Variants in SNIP1 observed in about 807,000 individuals in gnomAD.
The protein encoded by SNIP1 is Smad nuclear interacting protein 1, also known as smad nuclear-interacting protein 1.
In SNIP1, 23 loss-of-function variants were observed where a neutral mutation model predicts 37.4. The observed-to-expected ratio is 0.61, with a 90% CI of 0.44 to 0.87. The LOEUF is 0.87. Ranked by LOEUF, SNIP1 falls within the 40% of genes least tolerant of loss-of-function variation. The probability of loss-of-function intolerance (pLI) is 0.00; values close to 1 mark genes in which losing one functional copy is unlikely to be tolerated. For synonymous variants in SNIP1, 174 were observed against 200.0 expected (o/e 0.87, Z 1.10); for missense variants, 459 against 540.4 (o/e 0.85, Z 1.49).
chr1:37,551,074 GAC>G (rs55724495), intron 2 of SNIP1, among the ~76,000 whole-genome samples: 4,859 of 143,900 alleles, frequency 0.034, 251 homozygotes, highest in African/African-American at 0.11. Flanking sequence ...CAGCCTGGGT[GAC>G]ACACACACAC....
chr1:37,542,112 A>G (rs1643181783), intron 2 of SNIP1, among the ~76,000 whole-genome samples: 1 of 152,148 alleles, frequency 6.6e-6, no homozygotes. Context: ...AATCACTACT[A>G]TTGCATTTTG....
In SNIP1 at chr1:37,554,096, C is replaced by T; in HGVS notation, c.134G>A (p.Arg45His). The T allele has an allele frequency of 1.2e-6, 2 of 1,610,442 alleles. No homozygotes were observed. The highest frequency in any genetic ancestry group is 1.1e-5 in the South Asian group (1 of 90,494). The part of the protein sequence containing the change: ...SPEVAPPAHR[R>H]PDHSGGSPSP... ...CGGGCTACCACCGGAGTGGTCCGGA[C>T]GGCGGTGGGCGGGAGGTGCGACTTC... is the stretch of plus-strand genomic sequence containing the variant. The change falls in exon 1 of 4, where the codon CGT becomes CAT. Residue 45 changes from arginine to histidine, a missense_variant. Coordinates refer to ENST00000296215, the MANE Select transcript of SNIP1 (RefSeq NM_024700.4).
chr1:37,550,093 CCCTGAAAA>C (rs1643284334), intron 2 of SNIP1, among the ~76,000 whole-genome samples: 1 of 151,754 alleles, frequency 6.6e-6, no homozygotes, highest in African/African-American at 2.4e-5. Context: ...AACCCTGAAA[CCCTGAAAA>C]GAAACTGAAA....
chr1:37,545,409 C>A (rs1169110705), intron 2 of SNIP1: 10 of 433,128 alleles, frequency 2.3e-5, no homozygotes, highest in Non-Finnish European at 4.5e-5. Flanking sequence ...ACCAAAACAT[C>A]CACTTAAGCT....
At position 37,535,401 on chromosome 1, in the gene SNIP1, AAACC is replaced by A. The variant is rs1643079070; in HGVS notation, c.*2343_*2346del. 1.3e-5 allele frequency: 2 copies of A among 151,284 alleles called. No homozygotes were observed. Among genetic ancestry groups the A allele is most frequent in the African/African-American group, 4.9e-5 (2 of 41,052 alleles). 9.4% of individuals were successfully genotyped at this position (151,284 alleles called of 1,614,324 possible). A position where few individuals can be genotyped will look rare whatever the true frequency, so the allele number is the denominator to read the frequency against. On this transcript the variant is annotated 3_prime_UTR_variant, in exon 4 of 4. Transcript: ENST00000296215. The stretch of plus-strand genomic sequence containing the variant: ...AGTGAGACGCCATCTCAAAACAAAC[AAACC>A]AACAAAAAAACCCACCTTCTCAGAT...
In SNIP1 at chr1:37,551,616, G is replaced by C. The variant is rs115196285; in HGVS notation, c.327+1029C>G. On this transcript the variant is annotated intron_variant, in intron 2 of 3. Coordinates refer to ENST00000296215, the MANE Select transcript of SNIP1 (RefSeq NM_024700.4). Reference sequence around the variant, plus strand: ...CAACAGGACAGAAGAAAGATCATTTGAGGATATAGCAAAGAGGTAGCCATC... The same window carrying C: ...CAACAGGACAGAAGAAAGATCATTTCAGGATATAGCAAAGAGGTAGCCATC... 4.6e-3 allele frequency among the ~76,000 whole-genome samples: 707 copies of C among 152,330 alleles called. 2 individuals carry two copies. Among genetic ancestry groups the C allele is most frequent in the South Asian group, 0.019 (92 of 4,822 alleles).
At chr1:37,549,980 C>T (rs1005743094) in intron 2 of SNIP1, among the ~76,000 whole-genome samples, 1 of 151,994 alleles carries the variant, frequency 6.6e-6, no homozygotes, top group African/African-American at 2.4e-5. Flanking sequence ...AAAAGTAATT[C>T]ATTGGAGGAA....
intron 1 of SNIP1, among the ~76,000 whole-genome samples, chr1:37,553,692 G>A (rs888117917): frequency 6.6e-6 from 1 of 152,144 alleles, no homozygotes; most frequent in African/African-American, 2.4e-5. Context: ...ATTTGTGGGA[G>A]GGATGGGGAA....
rs759880647 is a variant in SNIP1 at position 37,552,679 on chromosome 1, C to G, written c.293G>C (p.Arg98Pro). 1.2e-6 allele frequency: 2 copies of G among 1,614,190 alleles called. No individual in the cohort carries two copies. The highest frequency in any genetic ancestry group is 4.5e-5 in the East Asian group (2 of 44,890). ...TTTGACTGTTGAGTGGTGAGGACTT[C>G]GGTTTCTCTTACTGCGAGGAGACTT... ...RSKSPRSKRNRSPHHSTVKVK... is the reference protein window; with the variant it reads ...RSKSPRSKRNPSPHHSTVKVK... The change falls in exon 2 of 4, where the codon CGA becomes CCA. Residue 98 changes from arginine (R) to proline (P), a missense_variant. Physicochemically the swap from Arg to Pro is moderately radical, Grantham distance 103 (BLOSUM62 -2). Transcript: ENST00000296215.
intron 3 of SNIP1, among the ~76,000 whole-genome samples, chr1:37,539,852 G>A (rs930261583): frequency 6.6e-6 from 1 of 152,322 alleles, no homozygotes; most frequent in Admixed American, 6.5e-5. Context: ...TCAGGAGGCC[G>A]AGGCAGGAGA....
chr1:37,551,297 AT>A (rs1479871404), intron 2 of SNIP1, among the ~76,000 whole-genome samples: 1 of 152,060 alleles, frequency 6.6e-6, no homozygotes, highest in Non-Finnish European at 1.5e-5. Flanking sequence ...GAAAACGCAA[AT>A]TAAAATCACA....
At chr1:37,541,843 C>A (rs555527778) in intron 2 of SNIP1, among the ~76,000 whole-genome samples, 1 of 152,116 alleles carries the variant, frequency 6.6e-6, no homozygotes, top group Non-Finnish European at 1.5e-5. Flanking sequence ...AATGTAATGC[C>A]TTTTCCATCT....
chr1:37,544,246 A>AC (rs1643204266), intron 2 of SNIP1, among the ~76,000 whole-genome samples: 1 of 151,944 alleles, frequency 6.6e-6, no homozygotes, highest in Non-Finnish European at 1.5e-5. Flanking sequence ...GGAGTTCAAG[A>AC]CCAGCCTGGC....
At chr1:37,539,238 A>G (rs1643138162) in intron 3 of SNIP1, among the ~76,000 whole-genome samples, 1 of 152,240 alleles carries the variant, frequency 6.6e-6, no homozygotes, top group Non-Finnish European at 1.5e-5. Flanking sequence ...CCCCGGTTCC[A>G]TGGAAAAACT....
Position 37,554,280 on chromosome 1 carries a change from C to T in SNIP1, c.-51G>A, listed in dbSNP as rs1408947172. The T allele has an allele frequency of 6.6e-7, 1 of 1,522,298 alleles. No individual in the cohort carries two copies. The highest frequency in any genetic ancestry group is 1.3e-5 in the South Asian group (1 of 79,040). 94.3% of individuals were successfully genotyped at this position (1,522,298 alleles called of 1,614,324 possible). ...AAACAGATCAGTTGAGCTCCTCTAG[C>T]TGGAGGAAATGACGAGTTTAACTCC... On this transcript the variant is annotated 5_prime_UTR_variant, in exon 1 of 4. Transcript: ENST00000296215.
intron 2 of SNIP1, among the ~76,000 whole-genome samples, chr1:37,549,630 T>G (rs1053764057): frequency 1.3e-5 from 2 of 152,216 alleles, no homozygotes; most frequent in Non-Finnish European, 2.9e-5. Flanking sequence ...CAGGCTGGTC[T>G]GGAGCTCCTG....
chr1:37,540,043 A>G lies in SNIP1; in HGVS notation c.926+114T>C. On this transcript the variant is annotated intron_variant, in intron 3 of 3. Transcript: ENST00000296215. The surrounding 1 kb of genome is among the most constrained non-coding windows in gnomAD (Gnocchi z 5.6). ...CAGTTAGATTAACAATACTCTTTAG[A>G]TAACATATGAGGGGTATGGGATTCT... 1 of 818,540 alleles carries G rather than the reference A, an allele frequency of 1.2e-6. No homozygotes were observed. The highest frequency in any genetic ancestry group is 2.0e-5 in the South Asian group (1 of 50,578). The allele number at this position is 818,540 out of a possible 1,614,324, so 50.7% of individuals were successfully genotyped here.
Position 37,554,276 on chromosome 1 carries a change from C to T in SNIP1, c.-47G>A, listed in dbSNP as rs561601091. The T allele has an allele frequency of 2.7e-5, 41 of 1,530,136 alleles. No homozygotes were observed. Among genetic ancestry groups the T allele is most frequent in the Non-Finnish European group, 3.6e-5 (41 of 1,134,902 alleles). 94.8% of individuals were successfully genotyped at this position (1,530,136 alleles called of 1,614,324 possible). A position where few individuals can be genotyped will look rare whatever the true frequency, so the allele number is the denominator to read the frequency against. On this transcript the variant is annotated 5_prime_UTR_variant, in exon 1 of 4. Coordinates refer to ENST00000296215, the MANE Select transcript of SNIP1 (RefSeq NM_024700.4). The stretch of plus-strand genomic sequence containing the variant: ...AAGAAAACAGATCAGTTGAGCTCCT[C>T]TAGCTGGAGGAAATGACGAGTTTAA...
chr1:37,540,339 C>T lies in SNIP1; in HGVS notation c.744G>A (p.Glu248=), dbSNP rs763099770. 8.1e-6 allele frequency: 13 copies of T among 1,613,976 alleles called. No individual in the cohort carries two copies. The highest frequency in any genetic ancestry group is 1.0e-5 in the Non-Finnish European group (12 of 1,180,018). Residue 248 remains glutamate, a synonymous_variant, in exon 3 of 4, where the codon GAG becomes GAA. Coordinates refer to ENST00000296215, the MANE Select transcript of SNIP1 (RefSeq NM_024700.4). This position sits in a 1 kb window ranked among gnomAD's most constrained non-coding sequence, Gnocchi z 5.6. ...TTTTGGGGATACGTGCTTCTGGGGGCTCACTATATTTAATGACTACACCCC... is the reference window on the plus strand; with the variant it reads ...TTTTGGGGATACGTGCTTCTGGGGGTTCACTATATTTAATGACTACACCCC... ...TFRGVVIKYS[E]PPEARIPKKR... is the part of the protein sequence containing the mutation.
Sources: gnomAD v4.1 joint callset for allele counts (sites outside exome capture counted in the v4.1 genomes callset) on GRCh38, gnomAD v4.1.1 for gene constraint, Gnocchi (gnomAD v3.1) non-coding constraint, MANE v1.5 for transcripts, NCBI Gene and HGNC (gene_info 2026-07-23, HGNC 2026-07-21) for gene names.